Variants in ATF7IP observed in about 807,000 individuals in gnomAD.
The protein encoded by ATF7IP is activating transcription factor 7-interacting protein 1.
ATF7IP carries 23 observed loss-of-function variants against 106.4 expected under a neutral mutation model. That is an observed-to-expected ratio of 0.22 (90% CI 0.16 to 0.31). The LOEUF (loss-of-function observed/expected upper bound fraction) is 0.31, where lower values mean the gene tolerates loss of function less well. ATF7IP is among the 10% of genes least tolerant of loss of function. The pLI, the probability that ATF7IP is intolerant of heterozygous loss-of-function variation, is 1.00. For synonymous variants in ATF7IP, 542 were observed against 539.0 expected (o/e 1.01, Z -0.08); for missense variants, 1,334 against 1,524.3 (o/e 0.88, Z 2.08).
chr12:14,432,929 T>A (rs1223554131), intron 2 of ATF7IP, among the ~76,000 whole-genome samples: 1 of 152,088 alleles, frequency 6.6e-6, no homozygotes, highest in East Asian at 1.9e-4. Flanking sequence ...ATTTAATGAG[T>A]AGGTTAGTTG....
chr12:14,461,013 G>T lies in ATF7IP; in HGVS notation c.2677G>T (p.Gly893Cys). The change falls in exon 9 of 15, where the codon GGC becomes TGC. Residue 893 changes from glycine to cysteine, a missense_variant. By Grantham distance (159) the Gly-to-Cys change is radical (BLOSUM62 -3). Around this residue, in one of 10 missense-constraint regions of ATF7IP, gnomAD observed 370 missense variants for 401.2 expected, o/e 0.92. Coordinates refer to ENST00000261168, the MANE Select transcript of ATF7IP (RefSeq NM_018179.5). ...CACAAGGACTTCTTTACCCACAGTG[G>T]GCCCATCAGGACTCTATAGTCCATC... ...QATRTSLPTVGPSGLYSPSTN... is the reference protein window; with the variant it reads ...QATRTSLPTVCPSGLYSPSTN... The T allele has an allele frequency of 6.2e-7, 1 of 1,614,052 alleles. No homozygotes were observed. The highest frequency in any genetic ancestry group is 8.5e-7 in the Non-Finnish European group (1 of 1,180,014).
At chr12:14,447,131 CTG>C (rs750757439) in intron 6 of ATF7IP, 78 bp downstream of exon 6, 4 of 1,170,698 alleles carry the variant, frequency 3.4e-6, no homozygotes, top group Non-Finnish European at 4.9e-6. Flanking sequence ...TAGGAGGAAA[CTG>C]TATTACAAAT....
At chr12:14,386,708 T>C (rs1368846294) in intron 1 of ATF7IP, among the ~76,000 whole-genome samples, 2 of 152,164 alleles carry the variant, frequency 1.3e-5, no homozygotes, top group African/African-American at 2.4e-5. Flanking sequence ...ACAATAATTA[T>C]GCTATTAAGA....
Position 14,475,928 on chromosome 12 carries a change from T to C in ATF7IP, c.2901T>C (p.Ile967=), listed in dbSNP as rs772236728. 1 of 1,613,930 alleles carries C rather than the reference T, an allele frequency of 6.2e-7. No homozygotes were observed. The highest frequency in any genetic ancestry group is 8.5e-7 in the Non-Finnish European group (1 of 1,179,918). ...KATGSDSSGV[I]DLTMDDEESG... ...CTGGCAGTGATTCAAGTGGTGTCAT[T>C]GATCTCACAATGGATGATGAAGAGA... Residue 967 remains isoleucine (I), a synonymous_variant, in exon 11 of 15, where the codon ATT becomes ATC. Transcript: ENST00000261168.
chr12:14,385,052 T>G (rs760811126), intron 1 of ATF7IP: 19 of 236,170 alleles, frequency 8.0e-5, no homozygotes, highest in Non-Finnish European at 1.1e-4. Flanking sequence ...GTGCCCAAAG[T>G]CTGTATTGCA....
chr12:14,490,539 T>G (rs116459897), intron 13 of ATF7IP, among the ~76,000 whole-genome samples: 2,112 of 152,336 alleles, frequency 0.014, 63 homozygotes, highest in African/African-American at 0.048. Context: ...AAGATGTTCC[T>G]TCACTGCTGT....
rs1944319450 is a variant in ATF7IP, at chr12:14,478,254, G to C, written c.2942-63G>C. ...AGCAAAAGTAAAATTTGTCCATAGA[G>C]GAAAGACTTGTATTTCCTGATTTTT... On this transcript the variant is annotated intron_variant, in intron 11 of 14. Transcript: ENST00000261168. 1.6e-5 allele frequency: 25 copies of C among 1,538,856 alleles called. No individual in the cohort carries two copies. In the South Asian group the frequency reaches 2.5e-4, roughly 15 times the overall value.
At chr12:14,479,447 G>A (rs1280458055) in intron 12 of ATF7IP, among the ~76,000 whole-genome samples, 1 of 152,118 alleles carries the variant, frequency 6.6e-6, no homozygotes, top group Non-Finnish European at 1.5e-5. Context: ...TCCATTGCTT[G>A]AAGATTTATC....
At chr12:14,392,474 AAAAC>A (rs1565477665) in intron 1 of ATF7IP, among the ~76,000 whole-genome samples, 3 of 152,236 alleles carry the variant, frequency 2.0e-5, no homozygotes, top group Admixed American at 6.5e-5. Flanking sequence ...AGTGAAAACT[AAAAC>A]AGACTGTGAA....
At position 14,497,872 on chromosome 12, in the gene ATF7IP, A is replaced by G. The variant is rs1230254318; in HGVS notation, c.3612A>G (p.Glu1204=). 1 of 1,614,164 alleles carries G rather than the reference A, an allele frequency of 6.2e-7. No individual in the cohort carries two copies. The highest frequency in any genetic ancestry group is 2.2e-5 in the East Asian group (1 of 44,854). Residue 1204 remains glutamate (E), a synonymous_variant, in exon 15 of 15, where the codon GAA becomes GAG. Transcript: ENST00000261168. ...DSYHLYAYHE[E]PSATVPSQWK... ...ACCATCTCTATGCTTACCATGAGGA[A>G]CCCAGTGCCACTGTGCCCTCACAAT...
At chr12:14,461,851 AT>A (rs1172236461) in intron 9 of ATF7IP, among the ~76,000 whole-genome samples, 1 of 152,190 alleles carries the variant, frequency 6.6e-6, no homozygotes, top group Non-Finnish European at 1.5e-5. Context: ...TTGGAAAGTC[AT>A]GCAAGGGTAG....
chr12:14,435,756 G>T (rs112911424), intron 3 of ATF7IP, among the ~76,000 whole-genome samples: 3 of 152,146 alleles, frequency 2.0e-5, no homozygotes, highest in African/African-American at 7.2e-5. Context: ...TTTTGTCAGA[G>T]GATTCATGTG....
chr12:14,421,560 A>G (rs149869360), intron 1 of ATF7IP, among the ~76,000 whole-genome samples: 6 of 152,006 alleles, frequency 3.9e-5, no homozygotes, highest in African/African-American at 1.4e-4. Context: ...CTGTGTCCAG[A>G]TTTTCCCCTT....
At chr12:14,484,104 A>G (rs1252193743) in intron 13 of ATF7IP, among the ~76,000 whole-genome samples, 1 of 152,080 alleles carries the variant, frequency 6.6e-6, no homozygotes. Context: ...TAGCTAGCTG[A>G]TCACCCCGAG....
chr12:14,366,701 ACTCAT>A (rs1423777508), intron 1 of ATF7IP, among the ~76,000 whole-genome samples: 2 of 152,160 alleles, frequency 1.3e-5, no homozygotes, highest in Non-Finnish European at 1.5e-5. Flanking sequence ...AAATTAATCA[ACTCAT>A]TTTCTTAGCA....
chr12:14,409,687 A>C (rs1039371899), intron 1 of ATF7IP, among the ~76,000 whole-genome samples: 6 of 152,160 alleles, frequency 3.9e-5, no homozygotes, highest in African/African-American at 1.4e-4. Context: ...AGATGAGGAC[A>C]TAAGAGAACA....
At chr12:14,433,643 C>CT (rs1942255318) in intron 2 of ATF7IP, among the ~76,000 whole-genome samples, 1 of 151,306 alleles carries the variant, frequency 6.6e-6, no homozygotes, top group Admixed American at 6.6e-5. Flanking sequence ...GCACTCCAGC[C>CT]TGGGCGACAA....
Position 14,497,728 on chromosome 12 carries a change from C to T in ATF7IP, c.3468C>T (p.Ala1156=). The change falls in exon 15 of 15, where the codon GCC becomes GCT. Residue 1156 remains alanine, a synonymous_variant. Coordinates refer to ENST00000261168, the MANE Select transcript of ATF7IP (RefSeq NM_018179.5). ...PQPQRLPPEA[A]STSLPQKPHL... ...CACAGCGTCTGCCCCCAGAAGCTGCCAGCACATCTCTGCCTCAGAAGCCAC... is the reference window on the plus strand; with the variant it reads ...CACAGCGTCTGCCCCCAGAAGCTGCTAGCACATCTCTGCCTCAGAAGCCAC... 1.2e-6 allele frequency: 2 copies of T among 1,614,166 alleles called. No individual in the cohort carries two copies. The highest frequency in any genetic ancestry group is 1.7e-6 in the Non-Finnish European group (2 of 1,180,026).
intron 2 of ATF7IP, among the ~76,000 whole-genome samples, chr12:14,427,239 A>C (rs1446805634): frequency 1.3e-5 from 2 of 152,026 alleles, no homozygotes; most frequent in Non-Finnish European, 2.9e-5. Context: ...CCTCCCACCT[A>C]AGCCCCCAGA....
Sources: gnomAD v4.1 joint callset for allele counts (sites outside exome capture counted in the v4.1 genomes callset) on GRCh38, gnomAD v4.1.1 for gene constraint, gnomAD v4.1.1 regional missense constraint, MANE v1.5 for transcripts, NCBI Gene and HGNC (gene_info 2026-07-23, HGNC 2026-07-21) for gene names.